The following AASDH variants were observed in gnomAD, a reference collection of about 807,000 sequenced individuals.
AASDH encodes the protein beta-alanine-activating enzyme.
A neutral mutation model predicts 102.3 loss-of-function variants in AASDH; 81 were observed. The observed-to-expected ratio is 0.79, with a 90% CI of 0.66 to 0.95. The LOEUF is 0.95. Ranked by LOEUF, AASDH falls within the 40% of genes least tolerant of loss-of-function variation. AASDH has a pLI of 0.00. For missense variants in AASDH, 1,203 were observed against 1,266.2 expected, an observed-to-expected ratio of 0.95 and a Z score of 0.76; for synonymous variants, 398 against 454.0, an observed-to-expected ratio of 0.88 and a Z score of 1.57.
Position 56,349,534 on chromosome 4 carries a change from T to A in AASDH, c.2217A>T (p.Lys739Asn). ...TCGCAGGTTTCCCCTCTTCAGAAAC[T>A]TTTGCAACACAGGATGGATCTTTTG... The part of the protein sequence containing the change: ...GKSKDPSCVA[K>N]VSEEGKPAIG... Residue 739 changes from lysine (K) to asparagine (N), a missense_variant, in exon 11 of 15, where the codon AAA (lysine) becomes AAT (asparagine). Coordinates refer to ENST00000205214, the MANE Select transcript of AASDH (RefSeq NM_181806.4). 6.2e-7 allele frequency: 1 copy of A among 1,614,086 alleles called. No homozygotes were observed. Among genetic ancestry groups the A allele is most frequent in the East Asian group, 2.2e-5 (1 of 44,892 alleles).
At chr4:56,364,476 G>A (rs1380247791) in intron 5 of AASDH, among the ~76,000 whole-genome samples, 3 of 152,088 alleles carry the variant, frequency 2.0e-5, no homozygotes, top group Non-Finnish European at 1.5e-5. Context: ...GAGAAAGGTC[G>A]GGTTACCCAC....
At chr4:56,346,329 G>A (rs1475184720) in intron 11 of AASDH, among the ~76,000 whole-genome samples, 1 of 152,128 alleles carries the variant, frequency 6.6e-6, no homozygotes, top group African/African-American at 2.4e-5. Flanking sequence ...CAAGAGAGTA[G>A]TGGCCAGCTC....
chr4:56,345,311 A>G (rs755349914), intron 11 of AASDH, 21 bp from the exon 12 acceptor site: 2 of 1,601,338 alleles, frequency 1.2e-6, no homozygotes, highest in East Asian at 2.2e-5. Context: ...ACAAAGCACA[A>G]AAGATTTGAT....
chr4:56,376,227 T>C (rs1027963194), intron 4 of AASDH, among the ~76,000 whole-genome samples: 1 of 152,022 alleles, frequency 6.6e-6, no homozygotes, highest in African/African-American at 2.4e-5. Flanking sequence ...AGTCCCACTA[T>C]GTTACCCAGG....
In AASDH at chr4:56,338,607, T is replaced by C. The variant is rs763186780; in HGVS notation, c.3092A>G (p.Asn1031Ser). 3.3e-5 allele frequency: 53 copies of C among 1,614,064 alleles called. No homozygotes were observed. Among genetic ancestry groups the C allele is most frequent in the Admixed American group, 6.7e-5 (4 of 60,006 alleles). The change falls in exon 15 of 15, where the codon AAT becomes AGT. Residue 1031 changes from asparagine to serine, a missense_variant. Coordinates refer to ENST00000205214, the MANE Select transcript of AASDH (RefSeq NM_181806.4). Reference sequence around the variant, plus strand: ...TGCCAGCAACATTTCATTGCTGCCATTGTAGTTATGGAAAGCAAACGGTGT... The same window carrying C: ...TGCCAGCAACATTTCATTGCTGCCACTGTAGTTATGGAAAGCAAACGGTGT... ...YATPFAFHNYNGSNEMLLAAA... is the reference protein window; with the variant it reads ...YATPFAFHNYSGSNEMLLAAA...
chr4:56,381,873 T>C (rs1753010406), intron 3 of AASDH: 1 of 152,130 alleles, frequency 6.6e-6, no homozygotes, highest in Non-Finnish European at 1.5e-5. Flanking sequence ...CACCAATTCT[T>C]GCCCCAAAAA....
chr4:56,355,705 A>T (rs771400297), intron 5 of AASDH, among the ~76,000 whole-genome samples: 18 of 149,914 alleles, frequency 1.2e-4, no homozygotes, highest in East Asian at 2.0e-4. Context: ...TGCAGCCTCA[A>T]CCTCCCAGGC....
intron 2 of AASDH, among the ~76,000 whole-genome samples, chr4:56,383,070 A>T (rs1286595636): frequency 6.6e-6 from 1 of 152,204 alleles, no homozygotes; most frequent in East Asian, 1.9e-4. Flanking sequence ...AAATAAATAA[A>T]TACATAAACA....
chr4:56,369,930 G>C (rs954380601), intron 5 of AASDH, among the ~76,000 whole-genome samples: 2 of 146,928 alleles, frequency 1.4e-5, no homozygotes, highest in Admixed American at 6.8e-5. Context: ...AGAAGAGTGA[G>C]ACTCTGTCTC....
chr4:56,377,106 T>A (rs1475448430), intron 4 of AASDH, among the ~76,000 whole-genome samples: 15 of 141,888 alleles, frequency 1.1e-4, no homozygotes, highest in Non-Finnish European at 6.3e-5. Context: ...AAAATAAAAT[T>A]AACTTCACTT....
intron 11 of AASDH, among the ~76,000 whole-genome samples, chr4:56,346,238 T>C (rs1158367634): frequency 1.3e-5 from 2 of 152,254 alleles, no homozygotes; most frequent in Non-Finnish European, 2.9e-5. Context: ...GCTCTGCCTA[T>C]GGCCGCTGCC....
In AASDH at chr4:56,367,004, A is replaced by C. The variant is rs1437113433; in HGVS notation, c.861+4447T>G. Among the ~76,000 whole-genome samples the C allele has an allele frequency of 6.6e-5, 10 of 152,278 alleles. No homozygotes were observed. The East Asian group carries it at 1.9e-3, about 29-fold the overall frequency. The stretch of plus-strand genomic sequence containing the variant: ...CTCAGCCCAAAATCTCCTTAAGCTG[A>C]TAAGCAACTTCAGCAAAGTCTCAGG... On this transcript the variant is annotated intron_variant, in intron 5 of 14. Coordinates refer to ENST00000205214, the MANE Select transcript of AASDH (RefSeq NM_181806.4).
intron 3 of AASDH, among the ~76,000 whole-genome samples, chr4:56,379,649 C>T (rs1578073408): frequency 1.3e-5 from 2 of 152,142 alleles, no homozygotes; most frequent in East Asian, 1.9e-4. Context: ...TAATGCAATG[C>T]GTATGATAAT....
rs1432026675 is a variant in AASDH, at chr4:56,358,375, C to A, written c.862-2952G>T. On this transcript the variant is annotated intron_variant, in intron 5 of 14. Transcript: ENST00000205214. The stretch of plus-strand genomic sequence containing the variant: ...CTTACCTTATTGTACTGGCAAGAAC[C>A]ACCAGAATGTTGAAGTGGCAAAGGC... Among the ~76,000 whole-genome samples, 3 of 150,690 alleles carry A rather than the reference C, an allele frequency of 2.0e-5. No homozygotes were observed. The East Asian group carries it at 5.8e-4, about 29-fold the overall frequency.
chr4:56,359,842 C>A (rs1410676208), intron 5 of AASDH, among the ~76,000 whole-genome samples: 2 of 146,654 alleles, frequency 1.4e-5, no homozygotes, highest in East Asian at 4.1e-4. Context: ...CAGGTGTGAG[C>A]CACCGTGCCC....
Position 56,339,619 on chromosome 4 carries a change from C to G in AASDH, c.2908-828G>C, listed in dbSNP as rs573252831. The stretch of plus-strand genomic sequence containing the variant: ...TACAAAAATTAGCCAGGTGTGGTGG[C>G]ACACACCTACAGTCCCAGCTACTGG... On this transcript the variant is annotated intron_variant, in intron 14 of 14. Transcript: ENST00000205214. 2.0e-5 allele frequency among the ~76,000 whole-genome samples: 3 copies of G among 149,264 alleles called. No homozygotes were observed. The South Asian group carries it at 6.4e-4, about 32-fold the overall frequency.
Position 56,384,295 on chromosome 4 carries a change from G to A in AASDH, c.5C>T (p.Thr2Ile), listed in dbSNP as rs140589996. 34 of 1,613,540 alleles carry A rather than the reference G, an allele frequency of 2.1e-5. No homozygotes were observed. The African/African-American group carries it at 3.9e-4, about 18-fold the overall frequency. The change falls in exon 2 of 15, where the codon ACT becomes ATT. Residue 2 changes from threonine (T) to isoleucine (I), a missense_variant. By Grantham distance (89) the Thr-to-Ile change is moderately conservative (BLOSUM62 -1). Transcript: ENST00000205214. Reference protein sequence around the residue: MTLQELVHKAAS... With the variant: MILQELVHKAAS... ...AGCCTTATGCACCAATTCCTGAAGA[G>A]TCATTTCACTGAAGTTTATCTAAAC...
intron 5 of AASDH, among the ~76,000 whole-genome samples, chr4:56,361,765 G>A (rs1007138896): frequency 1.3e-5 from 2 of 152,142 alleles, no homozygotes; most frequent in African/African-American, 4.8e-5. Flanking sequence ...GAGCCCAGGA[G>A]TTCAAGACCA....
intron 14 of AASDH, among the ~76,000 whole-genome samples, chr4:56,339,130 TTATC>T (rs1409121524): frequency 6.6e-6 from 1 of 151,768 alleles, no homozygotes; most frequent in East Asian, 1.9e-4. Context: ...GTTTTCAATA[TTATC>T]TTTTTTTAAT....
Sources: allele counts gnomAD v4.1 joint callset (sites outside exome capture counted in the v4.1 genomes callset), GRCh38; gene constraint gnomAD v4.1.1; transcripts MANE v1.5; gene names NCBI Gene and HGNC (gene_info 2026-07-23, HGNC 2026-07-21).